The following TUT4 variants were observed in gnomAD, a reference collection of about 807,000 sequenced individuals.
TUT4 encodes the protein terminal uridylyl transferase 4.
In TUT4, 36 loss-of-function variants were observed where a neutral mutation model predicts 192.2. The ratio of observed to expected loss-of-function variants is 0.19; its 90% CI spans 0.14 to 0.25. The LOEUF (loss-of-function observed/expected upper bound fraction) is 0.25, where lower values mean the gene tolerates loss of function less well. Ranked by LOEUF, TUT4 falls within the 10% of genes least tolerant of loss-of-function variation. The probability of loss-of-function intolerance (pLI) is 1.00; values close to 1 mark genes in which losing one functional copy is unlikely to be tolerated. For synonymous variants in TUT4, 618 were observed against 666.0 expected (o/e 0.93, Z 1.11); for missense variants, 1,493 against 1,957.2 (o/e 0.76, Z 4.47).
intron 4 of TUT4, among the ~76,000 whole-genome samples, chr1:52,504,228 G>A (rs1557875476): frequency 6.6e-6 from 1 of 151,974 alleles, no homozygotes; most frequent in Non-Finnish European, 1.5e-5. Context: ...ACTACTTCAG[G>A]TCAGTGTTCA....
At chr1:52,470,060 T>G (rs1053820260) in intron 14 of TUT4, among the ~76,000 whole-genome samples, 1 of 152,092 alleles carries the variant, frequency 6.6e-6, no homozygotes, top group African/African-American at 2.4e-5. Context: ...TCTAATCTCA[T>G]TCTCCAATAA....
intron 29 of TUT4, 53 bp downstream of exon 29, chr1:52,425,296 A>G: frequency 6.4e-7 from 1 of 1,572,660 alleles, no homozygotes; most frequent in Non-Finnish European, 8.6e-7. Context: ...AAGGCTCTCT[A>G]TCCCAGAATA....
intron 24 of TUT4, among the ~76,000 whole-genome samples, chr1:52,440,566 G>C (rs899834461): frequency 5.9e-5 from 9 of 151,504 alleles, no homozygotes; most frequent in African/African-American, 2.2e-4. Flanking sequence ...CACCCAAGAT[G>C]CTTAAGACAG....
chr1:52,543,520 C>T (rs1687265488), intron 1 of TUT4, among the ~76,000 whole-genome samples: 1 of 146,100 alleles, frequency 6.8e-6, no homozygotes. Context: ...GTCTCGCTCT[C>T]TCTCCCAGAC....
chr1:52,539,168 A>G (rs114141879), intron 1 of TUT4, among the ~76,000 whole-genome samples: 36 of 152,360 alleles, frequency 2.4e-4, no homozygotes, highest in African/African-American at 8.2e-4. Flanking sequence ...AAAAATACAT[A>G]TACAGATAAT....
intron 28 of TUT4, among the ~76,000 whole-genome samples, chr1:52,426,321 A>G (rs924254064): frequency 9.9e-5 from 15 of 152,200 alleles, no homozygotes; most frequent in African/African-American, 3.1e-4. Context: ...TAGGTACTCA[A>G]AAAATGTAAG....
intron 20 of TUT4, among the ~76,000 whole-genome samples, chr1:52,449,805 C>T (rs77019045): frequency 6.6e-5 from 10 of 152,252 alleles, no homozygotes; most frequent in Admixed American, 1.3e-4. Flanking sequence ...GATTCCCTGG[C>T]AACCACCACT....
At chr1:52,519,276 A>C (rs561466895) in intron 2 of TUT4, among the ~76,000 whole-genome samples, 2 of 152,342 alleles carry the variant, frequency 1.3e-5, no homozygotes, top group African/African-American at 4.8e-5. Flanking sequence ...CAGGCACAAC[A>C]GGCCACATAT....
chr1:52,496,846 G>C (rs1025072694), intron 5 of TUT4, among the ~76,000 whole-genome samples, 160 bp downstream of exon 5: 5 of 151,840 alleles, frequency 3.3e-5, no homozygotes, highest in Non-Finnish European at 5.9e-5. Flanking sequence ...CAATTTCCTT[G>C]TGTGAAATAT....
At chr1:52,519,067 T>C (rs1210405696) in intron 2 of TUT4, among the ~76,000 whole-genome samples, 1 of 152,126 alleles carries the variant, frequency 6.6e-6, no homozygotes, top group Middle Eastern at 3.2e-3. Flanking sequence ...CAAAAACTTT[T>C]ACACAAATGT....
At chr1:52,493,585 A>G (rs181264180) in intron 7 of TUT4, 26 bp downstream of exon 7, 98 of 1,402,060 alleles carry the variant, frequency 7.0e-5, no homozygotes, top group Non-Finnish European at 8.4e-5. Context: ...AAAAAAAAAA[A>G]GAAAAGAAAA....
At chr1:52,550,284 G>C (rs6697674) in intron 1 of TUT4, among the ~76,000 whole-genome samples, 53,379 of 151,816 alleles carry the variant, frequency 0.35, 13,003 homozygotes, top group African/African-American at 0.7. Flanking sequence ...CTGTTTTAAA[G>C]TATGGTGTCC....
At chr1:52,429,575 CT>C (rs1361584969) in intron 28 of TUT4, among the ~76,000 whole-genome samples, 3 of 144,324 alleles carry the variant, frequency 2.1e-5, no homozygotes, top group Admixed American at 6.8e-5. Flanking sequence ...TATATATATA[CT>C]TTTTTTTAAT....
At chr1:52,527,568 A>C (rs1268187456) in intron 1 of TUT4, among the ~76,000 whole-genome samples, 1 of 152,086 alleles carries the variant, frequency 6.6e-6, no homozygotes, top group Non-Finnish European at 1.5e-5. Flanking sequence ...AACAACAACA[A>C]AAAGGAACTT....
intron 1 of TUT4, among the ~76,000 whole-genome samples, chr1:52,541,571 TA>T (rs529641103): frequency 1.9e-4 from 28 of 145,434 alleles, no homozygotes; most frequent in East Asian, 4.0e-4. Context: ...CATATCACAT[TA>T]AAAAAAAAAA....
chr1:52,508,990 C>G (rs1037862592), intron 4 of TUT4, among the ~76,000 whole-genome samples: 25 of 152,296 alleles, frequency 1.6e-4, no homozygotes, highest in African/African-American at 6.0e-4. Context: ...TCATACTAGA[C>G]TTAAAGTTAC....
intron 16 of TUT4, chr1:52,464,849 A>C: frequency 2.6e-6 from 1 of 390,356 alleles, no homozygotes; most frequent in Non-Finnish European, 4.5e-6. Flanking sequence ...ACTCTCAGTG[A>C]CATGGTTTTT....
chr1:52,463,174 T>C, intron 16 of TUT4: 1 of 982,160 alleles, frequency 1.0e-6, no homozygotes, highest in Middle Eastern at 5.2e-4. Flanking sequence ...TTATATATAA[T>C]ATACAAACCC....
At chr1:52,479,043 G>A (rs1282100518) in intron 11 of TUT4, among the ~76,000 whole-genome samples, 1 of 152,172 alleles carries the variant, frequency 6.6e-6, no homozygotes, top group South Asian at 2.1e-4. Context: ...GTGGAAGCAG[G>A]AGAAGGTTAC....
Sources: gnomAD v4.1 joint callset for allele counts (sites outside exome capture counted in the v4.1 genomes callset) on GRCh38, gnomAD v4.1.1 for gene constraint, MANE v1.5 for transcripts, NCBI Gene and HGNC (gene_info 2026-07-23, HGNC 2026-07-21) for gene names.